Variants in ARID2 observed in about 807,000 individuals in gnomAD.
ARID2 encodes AT-rich interaction domain 2, also known as AT-rich interactive domain-containing protein 2.
In ARID2, 32 loss-of-function variants were observed where a neutral mutation model predicts 184.6. The observed-to-expected ratio is 0.17, with a 90% confidence interval of 0.13 to 0.23. The LOEUF (loss-of-function observed/expected upper bound fraction) is 0.23. Among genes scored for constraint, ARID2 ranks in the 10% least tolerant of loss-of-function variants. The probability of loss-of-function intolerance (pLI) is 1.00; values close to 1 mark genes in which losing one functional copy is unlikely to be tolerated. For synonymous variants in ARID2, 836 were observed against 772.6 expected, an observed-to-expected ratio of 1.08 and a Z score of -1.36; for missense variants, 1,696 against 2,197.6, an observed-to-expected ratio of 0.77 and a Z score of 4.56.
At chr12:45,862,099 T>A (rs1943759980) in intron 16 of ARID2, among the ~76,000 whole-genome samples, 1 of 152,230 alleles carries the variant, frequency 6.6e-6, no homozygotes, top group Non-Finnish European at 1.5e-5. Flanking sequence ...ATGCAAAATA[T>A]CTATAGGATA....
At chr12:45,834,352 GATA>G (rs1943175881) in intron 6 of ARID2, among the ~76,000 whole-genome samples, 2 of 151,182 alleles carry the variant, frequency 1.3e-5, no homozygotes, top group Non-Finnish European at 2.9e-5. Flanking sequence ...TTAGATTGTA[GATA>G]ATGAGCTTTT....
chr12:45,830,812 T>C (rs778783230), intron 6 of ARID2, among the ~76,000 whole-genome samples: 1 of 152,052 alleles, frequency 6.6e-6, no homozygotes, highest in African/African-American at 2.4e-5. Context: ...CACTTTGACT[T>C]TGGGAAGCTC....
chr12:45,818,552 C>T (rs1052669913), intron 5 of ARID2, among the ~76,000 whole-genome samples: 9 of 151,986 alleles, frequency 5.9e-5, no homozygotes, highest in Non-Finnish European at 8.8e-5. Context: ...TCTTGCTTTC[C>T]GACTCTCCCC....
At position 45,736,076 on chromosome 12, in the gene ARID2, G is replaced by T. The variant is rs561380916; in HGVS notation, c.284+4762G>T. Among the ~76,000 whole-genome samples the T allele has an allele frequency of 2.0e-5, 3 of 152,344 alleles. No individual in the cohort carries two copies. The South Asian group carries it at 6.2e-4, about 32-fold the overall frequency. ...GTCTTTGATAGACAAGTATATTGTG[G>T]CCGGGCGTGGTGGCTCACGCCCTGT... On this transcript the variant is annotated intron_variant, in intron 3 of 20. Transcript: ENST00000334344.
Position 45,841,648 on chromosome 12 carries a change from G to C in ARID2, c.1498+2152G>C, listed in dbSNP as rs538381588. On this transcript the variant is annotated intron_variant, in intron 11 of 20. Transcript: ENST00000334344. ...CTATCATAATTTAAATAGTTGCAAA[G>C]TATGTATTGTCTTGATGTATATTAA... 2.0e-5 allele frequency: 3 copies of C among 152,238 alleles called. No individual in the cohort carries two copies. In the South Asian group the frequency reaches 6.2e-4, roughly 32 times the overall value. 9.4% of individuals were successfully genotyped at this position (152,238 alleles called of 1,614,324 possible). A position where few individuals can be genotyped will look rare whatever the true frequency, so the allele number is the denominator to read the frequency against.
chr12:45,783,884 T>G (rs981133691), intron 3 of ARID2, among the ~76,000 whole-genome samples: 8 of 115,626 alleles, frequency 6.9e-5, no homozygotes, highest in Non-Finnish European at 1.2e-4. Context: ...TATCACTACT[T>G]TTAAGTTAAA....
In ARID2 at chr12:45,851,946, G is replaced by C; in HGVS notation, c.3823G>C (p.Ala1275Pro). The C allele has an allele frequency of 6.2e-7, 1 of 1,613,550 alleles. No homozygotes were observed. Among genetic ancestry groups the C allele is most frequent in the East Asian group, 2.2e-5 (1 of 44,848 alleles). The change falls in exon 15 of 21, where the codon GCC (alanine) becomes CCC (proline). Residue 1275 changes from alanine to proline, a missense_variant. Ala to Pro is a conservative substitution (Grantham distance 27). Coordinates refer to ENST00000334344, the MANE Select transcript of ARID2 (RefSeq NM_152641.4). ...VMENPSCRRG[A>P]TNTSNGDTKE... ...GGAGAACCCGTCCTGCCGACGAGGAGCCACAAACACCAGCAATGGGGATAC... is the reference window on the plus strand; with the variant it reads ...GGAGAACCCGTCCTGCCGACGAGGACCCACAAACACCAGCAATGGGGATAC...
intron 16 of ARID2, among the ~76,000 whole-genome samples, chr12:45,883,355 G>GA (rs1257937513): frequency 6.6e-6 from 1 of 151,020 alleles, no homozygotes; most frequent in African/African-American, 2.4e-5. Context: ...ACAATGAGAA[G>GA]AATTTGCCAA....
intron 16 of ARID2, among the ~76,000 whole-genome samples, chr12:45,877,803 C>A (rs1328038435): frequency 2.0e-5 from 3 of 152,156 alleles, no homozygotes; most frequent in Non-Finnish European, 4.4e-5. Flanking sequence ...TATTTTGCTT[C>A]TATTGATTTC....
chr12:45,816,585 A>C (rs1347357660), intron 4 of ARID2, among the ~76,000 whole-genome samples: 1 of 152,246 alleles, frequency 6.6e-6, no homozygotes, highest in Non-Finnish European at 1.5e-5. Context: ...TTTATGCCAG[A>C]GAAATGAAAA....
intron 15 of ARID2, among the ~76,000 whole-genome samples, chr12:45,857,063 G>GT (rs1943664182): frequency 1.3e-5 from 2 of 151,594 alleles, no homozygotes; most frequent in Non-Finnish European, 1.5e-5. Flanking sequence ...ATAAGACTTG[G>GT]TTTTTTTTCA....
chr12:45,796,226 A>G (rs1942390375), intron 3 of ARID2, among the ~76,000 whole-genome samples: 2 of 152,046 alleles, frequency 1.3e-5, no homozygotes, highest in African/African-American at 4.8e-5. Flanking sequence ...ACAAATATTT[A>G]AATAGAATCA....
intron 6 of ARID2, among the ~76,000 whole-genome samples, chr12:45,828,702 T>G (rs1314985524): frequency 6.6e-6 from 1 of 152,112 alleles, no homozygotes; most frequent in Non-Finnish European, 1.5e-5. Context: ...AATTTACATT[T>G]TTTCTTGTTT....
intron 16 of ARID2, among the ~76,000 whole-genome samples, chr12:45,870,894 A>G (rs375662532): frequency 7.2e-5 from 11 of 152,128 alleles, no homozygotes; most frequent in African/African-American, 2.4e-4. Flanking sequence ...ATTACTGGCA[A>G]TTTTGAACTA....
intron 15 of ARID2, 150 bp from the exon 16 acceptor site, chr12:45,860,651 A>AT: frequency 1.5e-6 from 1 of 647,096 alleles, no homozygotes; most frequent in African/African-American, 1.9e-5. Flanking sequence ...ATTTTTAAAG[A>AT]TTTTAAAGGT....
At position 45,855,904 on chromosome 12, in the gene ARID2, T is replaced by G. The variant is rs75557585; in HGVS notation, c.4773+3008T>G. On this transcript the variant is annotated intron_variant, in intron 15 of 20. Transcript: ENST00000334344. Reference sequence around the variant, plus strand: ...CCCAGCTAATTTGTTTTATGTTTTATTTTTGTAGAGTTGGGATCTCCCTAT... The same window carrying G: ...CCCAGCTAATTTGTTTTATGTTTTAGTTTTGTAGAGTTGGGATCTCCCTAT... Among the ~76,000 whole-genome samples the G allele has an allele frequency of 1.1e-4, 17 of 152,046 alleles. No individual in the cohort carries two copies. In the South Asian group the frequency reaches 3.5e-3, roughly 32 times the overall value.
intron 3 of ARID2, among the ~76,000 whole-genome samples, chr12:45,795,374 A>G (rs990171436): frequency 3.3e-5 from 5 of 152,060 alleles, no homozygotes; most frequent in African/African-American, 9.7e-5. Flanking sequence ...CTCTTATAGT[A>G]TCAGTTTTTT....
chr12:45,813,505 TGA>T (rs1450350382), intron 4 of ARID2, among the ~76,000 whole-genome samples: 2 of 151,344 alleles, frequency 1.3e-5, no homozygotes, highest in African/African-American at 4.9e-5. Flanking sequence ...AATATTAGAT[TGA>T]GAGTATTTAA....
chr12:45,858,236 T>C (rs1340427412), intron 15 of ARID2, among the ~76,000 whole-genome samples: 1 of 152,078 alleles, frequency 6.6e-6, no homozygotes, highest in East Asian at 1.9e-4. Flanking sequence ...ATCTCAACCA[T>C]AGAAGATACA....
Sources: gnomAD v4.1 joint callset for allele counts (sites outside exome capture counted in the v4.1 genomes callset) on GRCh38, gnomAD v4.1.1 for gene constraint, MANE v1.5 for transcripts, NCBI Gene and HGNC (gene_info 2026-07-23, HGNC 2026-07-21) for gene names.